Variants in NPAS3 observed in about 807,000 individuals in gnomAD.
The protein encoded by NPAS3 is neuronal PAS domain protein 3, also known as neuronal PAS domain-containing protein 3.
Under a neutral mutation model 73.1 loss-of-function variants are expected in NPAS3, and 14 were observed. The ratio of observed to expected loss-of-function variants is 0.19; its 90% confidence interval spans 0.13 to 0.30. The LOEUF (loss-of-function observed/expected upper bound fraction) is 0.30, where lower values mean the gene tolerates loss of function less well. Ranked by LOEUF, NPAS3 falls within the 10% of genes least tolerant of loss-of-function variation. NPAS3 has a pLI of 1.00. For synonymous variants in NPAS3, 620 were observed against 541.5 expected, an observed-to-expected ratio of 1.14 and a Z score of -2.01; for missense variants, 1,096 against 1,250.0, an observed-to-expected ratio of 0.88 and a Z score of 1.86.
At chr14:33,674,030 G>A (rs2059684260) in intron 5 of NPAS3, among the ~76,000 whole-genome samples, 2 of 152,138 alleles carry the variant, frequency 1.3e-5, no homozygotes, top group Non-Finnish European at 2.9e-5. Flanking sequence ...GAGGCCACAG[G>A]GAGAAAAAGT....
intron 5 of NPAS3, among the ~76,000 whole-genome samples, chr14:33,625,612 T>G (rs1159785511): frequency 6.6e-6 from 1 of 152,222 alleles, no homozygotes; most frequent in Non-Finnish European, 1.5e-5. Flanking sequence ...CTATCTGACA[T>G]TATTCCAAAG....
intron 2 of NPAS3, among the ~76,000 whole-genome samples, chr14:33,207,267 GCACACA>G (rs34164980): frequency 7.7e-4 from 13 of 16,926 alleles, no homozygotes; most frequent in African/African-American, 1.3e-3. Context: ...ACACACACAC[GCACACA>G]CACACACACA....
At chr14:33,367,304 T>C (rs1397568439) in intron 4 of NPAS3, 36 bp downstream of exon 4, 1 of 816,748 alleles carries the variant, frequency 1.2e-6, no homozygotes, top group Admixed American at 2.1e-5. Context: ...TCTTATATTT[T>C]ACTAAGAAAA....
chr14:33,303,741 T>G (rs2042644920), intron 3 of NPAS3, among the ~76,000 whole-genome samples: 1 of 152,158 alleles, frequency 6.6e-6, no homozygotes, highest in African/African-American at 2.4e-5. Context: ...GTGAAACATC[T>G]TATTGTATAT....
intron 4 of NPAS3, among the ~76,000 whole-genome samples, chr14:33,482,957 A>G (rs563386257): frequency 6.6e-6 from 1 of 152,358 alleles, no homozygotes; most frequent in South Asian, 2.1e-4. Context: ...AGATCACTTT[A>G]AAACAAGGGA....
At chr14:33,012,423 C>T (rs1056397859) in intron 1 of NPAS3, among the ~76,000 whole-genome samples, 2 of 152,116 alleles carry the variant, frequency 1.3e-5, no homozygotes, top group African/African-American at 4.8e-5. Flanking sequence ...TGCTAAATAG[C>T]GGGAACCATG....
At chr14:33,120,012 GTT>G (rs141635410) in intron 2 of NPAS3, among the ~76,000 whole-genome samples, 2 of 149,858 alleles carry the variant, frequency 1.3e-5, no homozygotes, top group African/African-American at 2.5e-5. Context: ...CAGATACTTT[GTT>G]TTTTTTTTGA....
chr14:33,339,787 A>G (rs2140306267), intron 3 of NPAS3, among the ~76,000 whole-genome samples: 1 of 152,320 alleles, frequency 6.6e-6, no homozygotes, highest in East Asian at 1.9e-4. Context: ...CCATCAAAGT[A>G]GCATTTCAGT....
At chr14:33,603,398 G>A (rs374320566) in intron 5 of NPAS3, among the ~76,000 whole-genome samples, 60 of 152,206 alleles carry the variant, frequency 3.9e-4, no homozygotes, top group Middle Eastern at 6.8e-3. Flanking sequence ...AAAGGAGATG[G>A]GAGAATGCAA....
intron 2 of NPAS3, among the ~76,000 whole-genome samples, chr14:33,125,312 T>G (rs2043387003): frequency 6.6e-6 from 1 of 152,084 alleles, no homozygotes; most frequent in Non-Finnish European, 1.5e-5. Flanking sequence ...GGAATTTATT[T>G]ATGGGCAATA....
At chr14:33,195,852 T>A (rs958517039) in intron 2 of NPAS3, among the ~76,000 whole-genome samples, 1 of 152,208 alleles carries the variant, frequency 6.6e-6, no homozygotes, top group South Asian at 2.1e-4. Flanking sequence ...TATTTACTTA[T>A]TGAAGGCTGA....
chr14:33,197,264 T>TTTTC, intron 2 of NPAS3, among the ~76,000 whole-genome samples: 1 of 149,984 alleles, frequency 6.7e-6, no homozygotes, highest in Non-Finnish European at 1.5e-5. Flanking sequence ...TGTGTGTGTG[T>TTTTC]GTGTTCTTTT....
chr14:32,991,226 C>T (rs1262317240), intron 1 of NPAS3, among the ~76,000 whole-genome samples: 1 of 151,802 alleles, frequency 6.6e-6, no homozygotes, highest in Non-Finnish European at 1.5e-5. Context: ...TGATGGTTCC[C>T]CAGAAAGCCT....
At chr14:33,726,362 T>C (rs1046313217) in intron 6 of NPAS3, among the ~76,000 whole-genome samples, 5 of 152,142 alleles carry the variant, frequency 3.3e-5, no homozygotes, top group Admixed American at 2.6e-4. Flanking sequence ...TGGACAAAAA[T>C]TCAAAAGATA....
chr14:33,276,205 A>G (rs1407155104), intron 3 of NPAS3, among the ~76,000 whole-genome samples: 1 of 152,168 alleles, frequency 6.6e-6, no homozygotes, highest in East Asian at 1.9e-4. Flanking sequence ...AGCTATGGAT[A>G]TACTATTTCT....
intron 1 of NPAS3, among the ~76,000 whole-genome samples, chr14:32,950,426 T>C (rs1398757092): frequency 6.6e-6 from 1 of 152,132 alleles, no homozygotes; most frequent in Non-Finnish European, 1.5e-5. Context: ...TTCCATAACC[T>C]ATACTGCTCT....
chr14:33,362,194 C>T (rs2045635450), intron 3 of NPAS3, among the ~76,000 whole-genome samples: 1 of 152,104 alleles, frequency 6.6e-6, no homozygotes, highest in Admixed American at 6.5e-5. Flanking sequence ...CTGAAAATCT[C>T]CCAGTGTCTA....
chr14:33,734,474 A>T (rs1160622749), intron 6 of NPAS3, among the ~76,000 whole-genome samples: 3 of 152,108 alleles, frequency 2.0e-5, no homozygotes, highest in Non-Finnish European at 2.9e-5. Flanking sequence ...GGAAAGAGTG[A>T]CTATCTTGTT....
intron 1 of NPAS3, among the ~76,000 whole-genome samples, chr14:33,012,453 T>A (rs1016725917): frequency 6.6e-6 from 1 of 152,236 alleles, no homozygotes; most frequent in African/African-American, 2.4e-5. Context: ...TTCTGTCTTT[T>A]AACTTAGAGT....
Sources: gnomAD v4.1 joint callset for allele counts (sites outside exome capture counted in the v4.1 genomes callset) on GRCh38, gnomAD v4.1.1 for gene constraint, MANE v1.5 for transcripts, NCBI Gene and HGNC (gene_info 2026-07-23, HGNC 2026-07-21) for gene names.